CNPY1: variants seen among roughly 807,000 people sequenced by gnomAD.
CNPY1 encodes canopy FGF signaling regulator 1, also known as protein canopy homolog 1.
Under a neutral mutation model 14.4 loss-of-function variants are expected in CNPY1, and 14 were observed. That is an observed-to-expected ratio of 0.97 (90% CI 0.64 to 1.52). The LOEUF is 1.52. Among genes scored for constraint, CNPY1 ranks in the 40% most tolerant of loss-of-function variants. The pLI is 0.00. For synonymous variants in CNPY1, 43 were observed against 46.5 expected (o/e 0.92, Z 0.31); for missense variants, 129 against 131.5 (o/e 0.98, Z 0.09).
intron 2 of CNPY1, among the ~76,000 whole-genome samples, chr7:155,512,409 C>T (rs6459707): frequency 0.6 from 91,463 of 151,986 alleles, 27,784 homozygotes; most frequent in African/African-American, 0.67. Context: ...TTCCTAAATG[C>T]AGTGCCTATT....
rs1051102770 is a variant in CNPY1, at chr7:155,546,338, G to A, written c.-15+91C>T. The stretch of plus-strand genomic sequence containing the variant: ...GTAGCTTGGACTACAGGCATACGTC[G>A]CCACACCCGGCTAATTTTTTTTTTT... On this transcript the variant is annotated intron_variant, in intron 1 of 4. Coordinates refer to ENST00000636446, the MANE Select transcript of CNPY1 (RefSeq NM_001393663.1). The A allele has an allele frequency of 6.5e-5, 25 of 385,504 alleles. No individual in the cohort carries two copies. The South Asian group carries it at 1.7e-3, about 26-fold the overall frequency. The allele number at this position is 385,504 out of a possible 1,614,324, so 23.9% of individuals were successfully genotyped here.
chr7:155,515,293 C>G (rs893741864), intron 2 of CNPY1, among the ~76,000 whole-genome samples: 3 of 48,150 alleles, frequency 6.2e-5, no homozygotes, highest in Non-Finnish European at 1.1e-4. Context: ...GTCTCAAGGC[C>G]GCCCCCCCCC....
chr7:155,528,325 T>G (rs73732798), intron 2 of CNPY1, among the ~76,000 whole-genome samples: 251 of 152,370 alleles, frequency 1.6e-3, no homozygotes, highest in African/African-American at 5.7e-3. Flanking sequence ...CTTGTAGGAC[T>G]GTGGTGGGCG....
chr7:155,528,058 A>G (rs1796862077), intron 2 of CNPY1, among the ~76,000 whole-genome samples: 1 of 152,226 alleles, frequency 6.6e-6, no homozygotes, highest in Non-Finnish European at 1.5e-5. Context: ...GCATCGTTGT[A>G]GAGAAGGGAC....
At chr7:155,504,293 G>A (rs1796221476) in intron 4 of CNPY1, among the ~76,000 whole-genome samples, 1 of 151,990 alleles carries the variant, frequency 6.6e-6, no homozygotes, top group African/African-American at 2.4e-5. Flanking sequence ...AAGTCTCAGT[G>A]ATGTGTTATA....
chr7:155,502,843 T>C lies in CNPY1; in HGVS notation c.*225A>G. On this transcript the variant is annotated 3_prime_UTR_variant, in exon 5 of 5. Transcript: ENST00000636446. Reference sequence around the variant, plus strand: ...CTTGATTTATCAAAATCTGCAAAGGTTAATTTAAGTTTCATGTACTCCTCA... The same window carrying C: ...CTTGATTTATCAAAATCTGCAAAGGCTAATTTAAGTTTCATGTACTCCTCA... 2.0e-6 allele frequency: 1 copy of C among 510,738 alleles called. No individual in the cohort carries two copies. 31.6% of individuals were successfully genotyped at this position (510,738 alleles called of 1,614,324 possible).
At chr7:155,546,218 A>T (rs1460296245) in intron 1 of CNPY1, among the ~76,000 whole-genome samples, 1 of 150,044 alleles carries the variant, frequency 6.7e-6, no homozygotes, top group Non-Finnish European at 1.5e-5. Flanking sequence ...ACAGGGTCTC[A>T]CTCTGTTGCC....
In CNPY1 at chr7:155,502,498, A is replaced by G. The variant is rs1302029189; in HGVS notation, c.*570T>C. On this transcript the variant is annotated 3_prime_UTR_variant, in exon 5 of 5. Transcript: ENST00000636446. ...TTCATTAGTTTTTACACATTCCACTAAATTTTAGAGATGGGTTTTTAAACT... is the reference window on the plus strand; with the variant it reads ...TTCATTAGTTTTTACACATTCCACTGAATTTTAGAGATGGGTTTTTAAACT... 6.6e-6 allele frequency: 1 copy of G among 152,338 alleles called. No individual in the cohort carries two copies. The highest frequency in any genetic ancestry group is 1.5e-5 in the Non-Finnish European group (1 of 68,120). 9.4% of individuals were successfully genotyped at this position (152,338 alleles called of 1,614,324 possible).
chr7:155,519,280 G>C (rs927588148), intron 2 of CNPY1, among the ~76,000 whole-genome samples: 2 of 152,260 alleles, frequency 1.3e-5, no homozygotes, highest in Admixed American at 1.3e-4. Context: ...TCCTGCACTA[G>C]AGAGGCCAAG....
Position 155,531,501 on chromosome 7 carries a change from C to A in CNPY1, c.99+14330G>T, listed in dbSNP as rs548998581. Reference sequence around the variant, plus strand: ...CAGTCTGGTGTTGGACGCCGCCAAGCCTTCAACCGGCTGGTCCTGACTTAT... The same window carrying A: ...CAGTCTGGTGTTGGACGCCGCCAAGACTTCAACCGGCTGGTCCTGACTTAT... On this transcript the variant is annotated intron_variant, in intron 2 of 4. Transcript: ENST00000636446. Among the ~76,000 whole-genome samples the A allele has an allele frequency of 3.1e-3, 477 of 152,322 alleles. 2 individuals are homozygous for A. Among genetic ancestry groups the A allele is most frequent in the Middle Eastern group, 0.014 (4 of 292 alleles).
chr7:155,520,256 G>A (rs942049484), intron 2 of CNPY1, among the ~76,000 whole-genome samples: 1 of 152,110 alleles, frequency 6.6e-6, no homozygotes, highest in Non-Finnish European at 1.5e-5. Context: ...TGAAACCTCT[G>A]GCTCTTGTTT....
chr7:155,535,015 G>A (rs532502506), intron 2 of CNPY1, among the ~76,000 whole-genome samples: 2 of 152,294 alleles, frequency 1.3e-5, no homozygotes, highest in African/African-American at 2.4e-5. Context: ...ACAGCCCAGC[G>A]GTGACCTGGC....
chr7:155,508,242 T>G (rs962247041), intron 3 of CNPY1, among the ~76,000 whole-genome samples: 1 of 152,250 alleles, frequency 6.6e-6, no homozygotes, highest in Non-Finnish European at 1.5e-5. Flanking sequence ...AGCCAGAGAC[T>G]AGCATTCACA....
rs868523229 is a variant in CNPY1, at chr7:155,508,895, G to A, written c.302C>T (p.Ala101Val). 4.3e-6 allele frequency: 7 copies of A among 1,612,634 alleles called. No homozygotes were observed. The highest frequency in any genetic ancestry group is 1.3e-5 in the African/African-American group (1 of 74,786). ...YSDAYRPLKF[A>V]CETIIEEYED... ...TCATCTGCAAGGAAGAGAGCTTACC[G>A]CAAATTTCAAAGGTCTGTAAGCATC... The change falls in exon 3 of 5, where the codon GCG becomes GTG. Residue 101 changes from alanine (A) to valine (V), a missense_variant and splice_region_variant. Coordinates refer to ENST00000636446, the MANE Select transcript of CNPY1 (RefSeq NM_001393663.1).
At position 155,503,108 on chromosome 7, in the gene CNPY1, G is replaced by GAA; in HGVS notation, c.401-4_401-3insTT. 6.6e-7 allele frequency: 1 copy of GAA among 1,515,038 alleles called. No individual in the cohort carries two copies. Among genetic ancestry groups the GAA allele is most frequent in the African/African-American group, 3.1e-5 (1 of 32,338 alleles). 93.8% of individuals were successfully genotyped at this position (1,515,038 alleles called of 1,614,324 possible). ...ATTAGCAGAAGTTTCACACAGATCT[G>GAA]GAAAAAAAAAAAAAAGTAGATAGCA... On this transcript the variant is annotated splice_region_variant and splice_polypyrimidine_tract_variant and intron_variant, in intron 4 of 4. Coordinates refer to ENST00000636446, the MANE Select transcript of CNPY1 (RefSeq NM_001393663.1).
intron 2 of CNPY1, among the ~76,000 whole-genome samples, chr7:155,540,787 C>A (rs1483902125): frequency 3.3e-5 from 5 of 152,140 alleles, no homozygotes; most frequent in African/African-American, 1.2e-4. Flanking sequence ...CAAATGTGAG[C>A]CCCTCGACTC....
chr7:155,520,927 T>C (rs962402948), intron 2 of CNPY1, among the ~76,000 whole-genome samples: 1 of 151,870 alleles, frequency 6.6e-6, no homozygotes, highest in Non-Finnish European at 1.5e-5. Flanking sequence ...AGGAGTTCAA[T>C]ATGAGCCTGG....
intron 2 of CNPY1, among the ~76,000 whole-genome samples, chr7:155,518,948 T>C (rs1796669486): frequency 6.6e-6 from 1 of 152,252 alleles, no homozygotes; most frequent in Non-Finnish European, 1.5e-5. Flanking sequence ...CAGGTCATTC[T>C]AGAGCCAAAT....
chr7:155,540,367 ATTAAC>A, intron 2 of CNPY1, among the ~76,000 whole-genome samples: 1 of 152,348 alleles, frequency 6.6e-6, no homozygotes, highest in South Asian at 2.1e-4. Context: ...ATTTTTCTAA[ATTAAC>A]TTATCAGCAA....
Sources: allele counts gnomAD v4.1 joint callset (sites outside exome capture counted in the v4.1 genomes callset), GRCh38; gene constraint gnomAD v4.1.1; transcripts MANE v1.5; gene names NCBI Gene and HGNC (gene_info 2026-07-23, HGNC 2026-07-21).